PRIMPOL: variants seen among roughly 807,000 people sequenced by gnomAD.
PRIMPOL encodes the protein DNA-directed primase/polymerase protein.
A neutral mutation model predicts 63.6 loss-of-function variants in PRIMPOL; 54 were observed. The ratio of observed to expected loss-of-function variants is 0.85; its 90% CI spans 0.68 to 1.07. The LOEUF (loss-of-function observed/expected upper bound fraction) is 1.07. Ranked by LOEUF, PRIMPOL falls within the 50% of genes least tolerant of loss-of-function variation. The probability of loss-of-function intolerance (pLI) is 0.00; values close to 1 mark genes in which losing one functional copy is unlikely to be tolerated. For synonymous variants in PRIMPOL, 197 were observed against 220.2 expected, an observed-to-expected ratio of 0.89 and a Z score of 0.93; for missense variants, 610 against 648.3, an observed-to-expected ratio of 0.94 and a Z score of 0.64.
At chr4:184,673,701 G>A (rs1752543520) in intron 7 of PRIMPOL, among the ~76,000 whole-genome samples, 1 of 152,184 alleles carries the variant, frequency 6.6e-6, no homozygotes, top group Admixed American at 6.5e-5. Flanking sequence ...GGGATTACAG[G>A]TGTGAGCCAC....
Position 184,685,588 on chromosome 4 carries a change from G to A in PRIMPOL, c.1199G>A (p.Trp400Ter), listed in dbSNP as rs773929597. The A allele has an allele frequency of 2.5e-6, 4 of 1,611,722 alleles. No homozygotes were observed. The South Asian group carries it at 4.4e-5, about 18-fold the overall frequency. Residue 400 changes from tryptophan (W) to a stop codon, truncating the protein, a stop_gained, in exon 11 of 14, where the codon TGG becomes TAG. Coordinates refer to ENST00000314970, the MANE Select transcript of PRIMPOL (RefSeq NM_152683.4). LOFTEE classifies it high-confidence loss of function. The part of the protein sequence containing the change: ...KDGIKGGIRR[W>*]NYFFPEELLV... Reference sequence around the variant, plus strand: ...ATTTGCATTTTAGGAATTCGGCGTTGGAACTACTTTTTCCCAGAAGAATTA... The same window carrying A: ...ATTTGCATTTTAGGAATTCGGCGTTAGAACTACTTTTTCCCAGAAGAATTA...
chr4:184,667,478 G>GT (rs1750336466), intron 6 of PRIMPOL, among the ~76,000 whole-genome samples: 2 of 152,120 alleles, frequency 1.3e-5, no homozygotes, highest in East Asian at 1.9e-4. Flanking sequence ...GCCCGGCTAA[G>GT]TTTTTGTATT....
chr4:184,686,186 T>C (rs1756938437), intron 11 of PRIMPOL, among the ~76,000 whole-genome samples: 1 of 152,238 alleles, frequency 6.6e-6, no homozygotes, highest in Non-Finnish European at 1.5e-5. Flanking sequence ...GCTTCTAGCA[T>C]GTCAGCTTTA....
rs70962516 is a variant in PRIMPOL, at chr4:184,663,018, T to TTTATTATTATTA, written c.408+1145_408+1156dup. Among the ~76,000 whole-genome samples the TTTATTATTATTA allele has an allele frequency of 6.9e-3, 962 of 138,746 alleles. 5 individuals are homozygous for TTTATTATTATTA. The highest frequency in any genetic ancestry group is 0.011 in the East Asian group (54 of 4,798). The allele number at this position is 138,746 out of a possible 152,430, so 91.0% of individuals were successfully genotyped here. ...GGTAAATTCTGTTTAATTTTAAACC[T>TTTATTATTATTA]TTATTATTATTATTATTATTATTAT... On this transcript the variant is annotated intron_variant, in intron 5 of 13. Transcript: ENST00000314970.
At chr4:184,651,806 G>A (rs1744595297) in intron 1 of PRIMPOL, among the ~76,000 whole-genome samples, 1 of 152,126 alleles carries the variant, frequency 6.6e-6, no homozygotes, top group South Asian at 2.1e-4. Flanking sequence ...CTACCACTAG[G>A]CCCAGCTAAT....
At chr4:184,653,320 T>G (rs1393392860) in intron 2 of PRIMPOL, among the ~76,000 whole-genome samples, 1 of 152,210 alleles carries the variant, frequency 6.6e-6, no homozygotes, top group African/African-American at 2.4e-5. Flanking sequence ...TAGGTCTGCG[T>G]CATCTCTCCC....
chr4:184,671,532 G>A (rs1751627993), intron 6 of PRIMPOL, among the ~76,000 whole-genome samples: 2 of 152,096 alleles, frequency 1.3e-5, no homozygotes, highest in South Asian at 4.1e-4. Flanking sequence ...CTCCCAGTAT[G>A]TATTAATAAG....
intron 9 of PRIMPOL, among the ~76,000 whole-genome samples, chr4:184,684,484 A>T (rs1394803346): frequency 6.6e-6 from 1 of 152,186 alleles, no homozygotes; most frequent in African/African-American, 2.4e-5. Context: ...AATGATATTT[A>T]AAATAGGTCA....
intron 7 of PRIMPOL, among the ~76,000 whole-genome samples, chr4:184,675,343 T>C (rs182269948): frequency 2.0e-5 from 3 of 152,356 alleles, no homozygotes; most frequent in East Asian, 3.9e-4. Flanking sequence ...AATAGACTTA[T>C]GTACATTTTA....
At position 184,678,334 on chromosome 4, in the gene PRIMPOL, A is replaced by G; in HGVS notation, c.947A>G (p.Gln316Arg). 6.2e-7 allele frequency: 1 copy of G among 1,608,836 alleles called. No individual in the cohort carries two copies. Among genetic ancestry groups the G allele is most frequent in the East Asian group, 2.2e-5 (1 of 44,524 alleles). Residue 316 changes from glutamine to arginine, a missense_variant, in exon 8 of 14, where the codon CAG (glutamine) becomes CGG (arginine). Transcript: ENST00000314970. ...GAAGATAACAAATTTTTTCCTATAC[A>G]GTCAAAAGATGTTTCTGACGAATAT... Reference protein sequence around the residue: ...VTEDNKFFPIQSKDVSDEYQY... With the variant: ...VTEDNKFFPIRSKDVSDEYQY...
intron 4 of PRIMPOL, among the ~76,000 whole-genome samples, chr4:184,660,980 T>C (rs1385648516): frequency 2.0e-5 from 3 of 152,218 alleles, no homozygotes; most frequent in African/African-American, 2.4e-5. Context: ...ACATGAGCGT[T>C]GGGAGCTTAT....
intron 11 of PRIMPOL, 155 bp from the exon 12 acceptor site, chr4:184,691,344 C>G: frequency 5.6e-6 from 3 of 533,140 alleles, no homozygotes. Flanking sequence ...TGGCAACCAC[C>G]GTTTTGATTG....
chr4:184,688,197 G>A (rs1488354595), intron 11 of PRIMPOL, among the ~76,000 whole-genome samples: 1 of 152,164 alleles, frequency 6.6e-6, no homozygotes, highest in African/African-American at 2.4e-5. Context: ...TGGACTTGCT[G>A]TGTCGTGGAA....
chr4:184,666,065 GT>G lies in PRIMPOL; in HGVS notation c.556+2del. On this transcript the variant is annotated splice_donor_variant, in intron 6 of 13. Transcript: ENST00000314970. LOFTEE classifies it high-confidence loss of function. ...GCATTTAAAGATAATATTCATGTTG[GT>G]AAGTACACGGCTTTTTAAAAATCAT... is the stretch of plus-strand genomic sequence containing the variant. 1.3e-6 allele frequency: 2 copies of G among 1,597,666 alleles called. No homozygotes were observed. The highest frequency in any genetic ancestry group is 8.5e-7 in the Non-Finnish European group (1 of 1,172,492).
chr4:184,668,548 A>G (rs909001412), intron 6 of PRIMPOL, among the ~76,000 whole-genome samples: 1 of 151,310 alleles, frequency 6.6e-6, no homozygotes, highest in Non-Finnish European at 1.5e-5. Flanking sequence ...CCTCTAGTCC[A>G]TGGGCCTTTG....
intron 5 of PRIMPOL, among the ~76,000 whole-genome samples, chr4:184,662,336 T>A (rs1748586959): frequency 6.6e-6 from 1 of 152,188 alleles, no homozygotes; most frequent in South Asian, 2.1e-4. Context: ...TTGGAAATCA[T>A]CTTATCTTGT....
chr4:184,669,757 G>A (rs775546585), intron 6 of PRIMPOL, among the ~76,000 whole-genome samples: 171 of 152,332 alleles, frequency 1.1e-3, no homozygotes, highest in Non-Finnish European at 2.0e-3. Context: ...TGGGGACAGT[G>A]AATGGTCTAG....
chr4:184,693,496 A>G (rs1289731890), intron 13 of PRIMPOL, among the ~76,000 whole-genome samples: 2 of 152,208 alleles, frequency 1.3e-5, no homozygotes, highest in African/African-American at 4.8e-5. Context: ...GCTGTCACTT[A>G]GTTTTCAGTT....
At chr4:184,671,674 A>G (rs1751664708) in intron 6 of PRIMPOL, among the ~76,000 whole-genome samples, 1 of 152,036 alleles carries the variant, frequency 6.6e-6, no homozygotes, top group Non-Finnish European at 1.5e-5. Flanking sequence ...AATGGAATTG[A>G]AAAGGTAAAA....
Sources: gnomAD v4.1 joint callset for allele counts (sites outside exome capture counted in the v4.1 genomes callset) on GRCh38, gnomAD v4.1.1 for gene constraint, MANE v1.5 for transcripts, NCBI Gene and HGNC (gene_info 2026-07-23, HGNC 2026-07-21) for gene names.